The following SRC variants were observed in gnomAD, a reference collection of about 807,000 sequenced individuals.
SRC encodes SRC proto-oncogene, non-receptor tyrosine kinase.
In SRC, 13 loss-of-function variants were observed where a neutral mutation model predicts 62.9. The observed-to-expected ratio is 0.21, with a 90% CI of 0.13 to 0.33. The LOEUF (loss-of-function observed/expected upper bound fraction) is 0.33, where lower values mean the gene tolerates loss of function less well. SRC is among the 10% of genes least tolerant of loss of function. The pLI, the probability that SRC is intolerant of heterozygous loss-of-function variation, is 1.00. For synonymous variants in SRC, 302 were observed against 317.5 expected (o/e 0.95, Z 0.52); for missense variants, 457 against 737.3 (o/e 0.62, Z 4.40).
At chr20:37,380,684 G>A (rs1185624693) in intron 2 of SRC, among the ~76,000 whole-genome samples, 1 of 152,128 alleles carries the variant, frequency 6.6e-6, no homozygotes, top group Non-Finnish European at 1.5e-5. Flanking sequence ...GTCTCTGGGG[G>A]CATGGAGATG....
intron 2 of SRC, among the ~76,000 whole-genome samples, chr20:37,371,804 C>T (rs1230890056): frequency 6.6e-6 from 1 of 152,074 alleles, no homozygotes. Flanking sequence ...CAGGTTCAAG[C>T]AATTCTCTTG....
At chr20:37,381,160 C>T (rs1427230021) in intron 2 of SRC, among the ~76,000 whole-genome samples, 1 of 152,226 alleles carries the variant, frequency 6.6e-6, no homozygotes, top group East Asian at 1.9e-4. Flanking sequence ...ACCAAAAAAA[C>T]AGTCTCACAA....
chr20:37,364,994 C>A (rs2070039214), intron 1 of SRC, among the ~76,000 whole-genome samples: 1 of 152,178 alleles, frequency 6.6e-6, no homozygotes. Context: ...AGAGGAGATG[C>A]TGGTCCTTGG....
intron 2 of SRC, among the ~76,000 whole-genome samples, chr20:37,370,949 A>G (rs1346958170): frequency 6.8e-6 from 1 of 147,804 alleles, no homozygotes; most frequent in Non-Finnish European, 1.5e-5. Context: ...CTTTAGATTT[A>G]TTTGAATTTT....
intron 2 of SRC, among the ~76,000 whole-genome samples, chr20:37,382,007 T>C (rs1472522062): frequency 6.6e-6 from 1 of 152,086 alleles, no homozygotes; most frequent in African/African-American, 2.4e-5. Context: ...GGGGACAGGC[T>C]GAAATTCACA....
intron 10 of SRC, 119 bp from the exon 11 acceptor site, chr20:37,401,483 G>A (rs765625601): frequency 1.9e-5 from 13 of 690,500 alleles, no homozygotes; most frequent in African/African-American, 1.1e-4. Flanking sequence ...ATGAGTTTAC[G>A]TAAAATCTGC....
intron 3 of SRC, among the ~76,000 whole-genome samples, chr20:37,383,348 A>G (rs2070392757): frequency 6.6e-6 from 1 of 152,206 alleles, no homozygotes; most frequent in Non-Finnish European, 1.5e-5. Context: ...GTGAGCTCCC[A>G]GCCATCTCTG....
chr20:37,366,982 C>G (rs1203526747), intron 2 of SRC, among the ~76,000 whole-genome samples: 2 of 152,192 alleles, frequency 1.3e-5, no homozygotes, highest in Admixed American at 6.5e-5. Context: ...ATTTTACATT[C>G]CCATCAGCAA....
rs2295747 is a variant in SRC, at chr20:37,401,757, C to G, written c.1116+79C>G. On this transcript the variant is annotated intron_variant, in intron 11 of 13. Coordinates refer to ENST00000373578, the MANE Select transcript of SRC (RefSeq NM_198291.3). ...CATCTGGTGCAGCCAGTTCTGGCCTCTTGAGTGCCCCCTCCAAGAAGCCTG... is the reference window on the plus strand; with the variant it reads ...CATCTGGTGCAGCCAGTTCTGGCCTGTTGAGTGCCCCCTCCAAGAAGCCTG... 1.8e-4 allele frequency: 183 copies of G among 1,024,250 alleles called. 1 individual carries two copies. The East Asian group carries it at 4.9e-3, about 27-fold the overall frequency. 63.4% of individuals were successfully genotyped at this position (1,024,250 alleles called of 1,614,324 possible).
intron 2 of SRC, among the ~76,000 whole-genome samples, chr20:37,368,518 CTTTTTTTTTTTTTTTT>C (rs1352624429): frequency 8.5e-4 from 63 of 73,902 alleles, no homozygotes; most frequent in South Asian, 1.8e-3. Context: ...CCTATATTTT[CTTTTTTTTTTTTTTTT>C]TTTTTTTTTG....
intron 2 of SRC, among the ~76,000 whole-genome samples, chr20:37,368,544 G>GT (rs1463098892): frequency 9.3e-4 from 69 of 73,964 alleles, no homozygotes; most frequent in South Asian, 2.2e-3. Flanking sequence ...TTTTTTTTTT[G>GT]TTTTTTTTTT....
chr20:37,386,009 C>T, intron 4 of SRC, 66 bp from the exon 5 acceptor site: 3 of 1,304,996 alleles, frequency 2.3e-6, no homozygotes, highest in Non-Finnish European at 3.3e-6. Flanking sequence ...GGGTACAGGG[C>T]CATCCTGCCC....
intron 5 of SRC, among the ~76,000 whole-genome samples, chr20:37,387,359 C>G (rs1213360566): frequency 6.6e-6 from 1 of 152,158 alleles, no homozygotes; most frequent in Non-Finnish European, 1.5e-5. Context: ...CACCTGTGTC[C>G]TTGTATTGAC....
At chr20:37,369,396 G>A (rs2070126849) in intron 2 of SRC, among the ~76,000 whole-genome samples, 1 of 151,980 alleles carries the variant, frequency 6.6e-6, no homozygotes, top group Non-Finnish European at 1.5e-5. Flanking sequence ...GTATTCTTTT[G>A]ATGCTATCAT....
At chr20:37,381,087 C>T (rs1056147182) in intron 2 of SRC, among the ~76,000 whole-genome samples, 3 of 152,252 alleles carry the variant, frequency 2.0e-5, no homozygotes, top group South Asian at 2.1e-4. Context: ...GAGTCTGCTC[C>T]AGCACTCCGG....
In SRC at chr20:37,384,747, AGAT is replaced by A. The variant is rs1301738296; in HGVS notation, c.250+347_250+349del. The stretch of plus-strand genomic sequence containing the variant: ...TTTTTCGTTGCCTGGGTCCGCCCAG[AGAT>A]GAGTCGGGACGCGCGGCCCACGTGC... On this transcript the variant is annotated intron_variant, in intron 4 of 13. Coordinates refer to ENST00000373578, the MANE Select transcript of SRC (RefSeq NM_198291.3). This position sits in a 1 kb window ranked among gnomAD's most constrained non-coding sequence, Gnocchi z 6.7. Among the ~76,000 whole-genome samples the A allele has an allele frequency of 6.6e-6, 1 of 152,078 alleles. No homozygotes were observed. Among genetic ancestry groups the A allele is most frequent in the Admixed American group, 6.5e-5 (1 of 15,280 alleles).
In SRC at chr20:37,403,474, CCT is replaced by C. The variant is rs1452473950; in HGVS notation, c.*102_*103del. On this transcript the variant is annotated 3_prime_UTR_variant, in exon 14 of 14. Coordinates refer to ENST00000373578, the MANE Select transcript of SRC (RefSeq NM_198291.3). This position sits in a 1 kb window ranked among gnomAD's most constrained non-coding sequence, Gnocchi z 7.1. ...CCCACTCTGCCTGCCTGCTGTTGGT[CCT>C]CTCTCTGTGGGGCTGAATTGCCAGG... is the stretch of plus-strand genomic sequence containing the variant. 5 of 1,351,440 alleles carry C rather than the reference CCT, an allele frequency of 3.7e-6. No individual in the cohort carries two copies. The highest frequency in any genetic ancestry group is 2.3e-5 in the Admixed American group (1 of 43,868). 83.7% of individuals were successfully genotyped at this position (1,351,440 alleles called of 1,614,324 possible).
chr20:37,391,228 C>A (rs529078477), intron 5 of SRC, among the ~76,000 whole-genome samples: 6 of 152,346 alleles, frequency 3.9e-5, no homozygotes, highest in African/African-American at 1.4e-4. Flanking sequence ...CCCCTTCCCG[C>A]TGTGGCCTGT....
At position 37,368,518 on chromosome 20, in the gene SRC, C is replaced by CTTTTTTTTTTTTTTTTTTTTTTTT. The variant is rs1352624429; in HGVS notation, c.-173+3243_-173+3266dup. Among the ~76,000 whole-genome samples the CTTTTTTTTTTTTTTTTTTTTTTTT allele has an allele frequency of 6.9e-4, 51 of 73,910 alleles. 10 individuals carry two copies. Among genetic ancestry groups the CTTTTTTTTTTTTTTTTTTTTTTTT allele is most frequent in the Non-Finnish European group, 1.1e-3 (41 of 36,924 alleles). The allele number at this position is 73,910 out of a possible 152,430, so 48.5% of individuals were successfully genotyped here. ...GTCATAACATTTATGCCTATATTTTCTTTTTTTTTTTTTTTTTTTTTTTTT... is the reference window on the plus strand; with the variant it reads ...GTCATAACATTTATGCCTATATTTTCTTTTTTTTTTTTTTTTTTTTTTTTTTTTTTTTTTTTTTTTTTTTTTTTT... On this transcript the variant is annotated intron_variant, in intron 2 of 13. Transcript: ENST00000373578.
Sources: gnomAD v4.1 joint callset for allele counts (sites outside exome capture counted in the v4.1 genomes callset) on GRCh38, gnomAD v4.1.1 for gene constraint, Gnocchi (gnomAD v3.1) non-coding constraint, MANE v1.5 for transcripts, NCBI Gene and HGNC (gene_info 2026-07-23, HGNC 2026-07-21) for gene names.